ASPRV1: variants seen among roughly 807,000 people sequenced by gnomAD.
ASPRV1 encodes the protein retroviral-like aspartic protease 1.
Under a neutral mutation model 11.0 loss-of-function variants are expected in ASPRV1, and 7 were observed. That is an observed-to-expected ratio of 0.64 (90% CI 0.36 to 1.20). ASPRV1 has a LOEUF of 1.20. Among genes scored for constraint, ASPRV1 ranks in the 50% most tolerant of loss-of-function variants. The pLI, the probability that ASPRV1 is intolerant of heterozygous loss-of-function variation, is 0.02. For synonymous variants in ASPRV1, 136 were observed against 138.4 expected, an observed-to-expected ratio of 0.98 and a Z score of 0.12; for missense variants, 299 against 320.0, an observed-to-expected ratio of 0.93 and a Z score of 0.50.
the ASPRV1 span, among the ~76,000 whole-genome samples, chr2:69,943,923 A>T: frequency 8.7e-4 from 133 of 152,282 alleles, 1 homozygote; most frequent in East Asian, 0.025. Context: ...AACCACCTAA[A>T]ATTTTTGAAA....
the ASPRV1 span, among the ~76,000 whole-genome samples, chr2:69,989,880 A>G: frequency 6.6e-6 from 1 of 152,260 alleles, no homozygotes; most frequent in African/African-American, 2.4e-5. Flanking sequence ...GACAGGGTTC[A>G]GTAACTGCAT....
the ASPRV1 span, among the ~76,000 whole-genome samples, chr2:69,946,566 T>A: frequency 6.6e-6 from 1 of 152,346 alleles, no homozygotes; most frequent in South Asian, 2.1e-4. Context: ...ATAATCATTT[T>A]CCCAGCCAAG....
At chr2:70,038,578 A>AC in the ASPRV1 span, among the ~76,000 whole-genome samples, 110 of 141,672 alleles carry the variant, frequency 7.8e-4, no homozygotes, top group African/African-American at 3.0e-3. Context: ...GAACAAAACC[A>AC]TGTCTCAAGG....
the ASPRV1 span, among the ~76,000 whole-genome samples, chr2:70,002,025 A>G: frequency 6.6e-6 from 1 of 152,354 alleles, no homozygotes; most frequent in Non-Finnish European, 1.5e-5. Flanking sequence ...CACAGAAAAA[A>G]TATCTTAAAG....
At chr2:70,030,266 G>A in the ASPRV1 span, 3 of 152,380 alleles carry the variant, frequency 2.0e-5, no homozygotes, top group East Asian at 3.9e-4. Flanking sequence ...CAGCTGGGAG[G>A]AGGAGGCTGC....
chr2:70,086,312 G>C, the ASPRV1 span: 1 of 152,266 alleles, frequency 6.6e-6, no homozygotes, highest in Admixed American at 6.5e-5. Context: ...AGGAACAGGG[G>C]AGGCGGAGTA....
chr2:70,002,816 G>GC, the ASPRV1 span, among the ~76,000 whole-genome samples: 1 of 152,156 alleles, frequency 6.6e-6, no homozygotes, highest in Non-Finnish European at 1.5e-5. Flanking sequence ...GATCAGAATA[G>GC]CCCTATGTCC....
At chr2:69,942,840 T>TTCTAAAAAAGTA in the ASPRV1 span, 149 of 152,352 alleles carry the variant, frequency 9.8e-4, no homozygotes, top group African/African-American at 3.3e-3. Flanking sequence ...AGTTAGCACA[T>TTCTAAAAAAGTA]GCATTTTTAG....
At chr2:70,042,095 C>G in the ASPRV1 span, among the ~76,000 whole-genome samples, 1 of 145,146 alleles carries the variant, frequency 6.9e-6, no homozygotes, top group East Asian at 2.1e-4. Flanking sequence ...AATATTCCTT[C>G]AGAAAAAAAA....
the ASPRV1 span, among the ~76,000 whole-genome samples, chr2:70,074,706 C>G: frequency 1.3e-5 from 2 of 151,924 alleles, no homozygotes; most frequent in African/African-American, 4.8e-5. Flanking sequence ...CAAAATCTTC[C>G]CATTTTTCAT....
the ASPRV1 span, among the ~76,000 whole-genome samples, chr2:69,979,522 G>A: frequency 8.5e-5 from 13 of 152,302 alleles, no homozygotes; most frequent in African/African-American, 2.9e-4. Context: ...CCTCTGGGAG[G>A]GGCAGGACAC....
the ASPRV1 span, among the ~76,000 whole-genome samples, chr2:70,029,517 C>T: frequency 6.6e-6 from 1 of 151,926 alleles, no homozygotes; most frequent in Non-Finnish European, 1.5e-5. Context: ...TGCGCACCTG[C>T]AGTCCCAGCT....
At chr2:70,055,218 C>A in the ASPRV1 span, among the ~76,000 whole-genome samples, 32 of 152,118 alleles carry the variant, frequency 2.1e-4, no homozygotes, top group Non-Finnish European at 1.5e-5. Context: ...GCAGGAGAAT[C>A]ACTGGAACCT....
At chr2:69,952,982 C>A in the ASPRV1 span, among the ~76,000 whole-genome samples, 19 of 152,356 alleles carry the variant, frequency 1.2e-4, no homozygotes, top group East Asian at 2.5e-3. Flanking sequence ...CCAGGGCAAC[C>A]TCCCTCCATC....
At chr2:69,968,341 T>A in the ASPRV1 span, 1 of 152,054 alleles carries the variant, frequency 6.6e-6, no homozygotes, top group Non-Finnish European at 1.5e-5. Flanking sequence ...AAGGCCAACA[T>A]GAAAACACCC....
chr2:69,961,805 GCCCACAT>G, upstream of ASPRV1: 2 of 1,176,614 alleles, frequency 1.7e-6, no homozygotes, highest in Non-Finnish European at 2.4e-6. Flanking sequence ...ACACCAGCCA[GCCCACAT>G]CCCAAGAAAG....
the ASPRV1 span, chr2:69,938,229 C>A: frequency 6.2e-7 from 1 of 1,614,174 alleles, no homozygotes; most frequent in South Asian, 1.1e-5. Flanking sequence ...TATTCCAGCA[C>A]CAGCATCAAG....
chr2:69,937,593 T>C, the ASPRV1 span, among the ~76,000 whole-genome samples: 25 of 152,320 alleles, frequency 1.6e-4, no homozygotes, highest in African/African-American at 6.0e-4. Context: ...AAGAGTTTGA[T>C]TGGTGTCAGT....
the ASPRV1 span, among the ~76,000 whole-genome samples, chr2:69,982,994 C>G: frequency 6.6e-6 from 1 of 152,156 alleles, no homozygotes; most frequent in African/African-American, 2.4e-5. Flanking sequence ...TCTTGGCTCA[C>G]TGCAACCTCC....
Sources: allele counts gnomAD v4.1 joint callset (sites outside exome capture counted in the v4.1 genomes callset), GRCh38; gene constraint gnomAD v4.1.1; transcripts MANE v1.5; gene names NCBI Gene and HGNC (gene_info 2026-07-23, HGNC 2026-07-21).